NSD1: variants seen among roughly 807,000 people sequenced by gnomAD.
NSD1 encodes the protein nuclear receptor binding SET domain protein 1, also known as histone-lysine N-methyltransferase, H3 lysine-36 specific.
NSD1 carries 26 observed loss-of-function variants against 242.7 expected under a neutral mutation model. The ratio of observed to expected loss-of-function variants is 0.11; its 90% CI spans 0.08 to 0.15. The LOEUF is 0.15. Ranked by LOEUF, NSD1 falls within the 10% of genes least tolerant of loss-of-function variation. The pLI is 1.00. For synonymous variants in NSD1, 1,106 were observed against 1,178.1 expected (o/e 0.94, Z 1.25); for missense variants, 2,495 against 3,272.8 (o/e 0.76, Z 5.80).
At chr5:177,283,025 C>G (rs1248575321) in intron 19 of NSD1, among the ~76,000 whole-genome samples, 3 of 152,114 alleles carry the variant, frequency 2.0e-5, no homozygotes, top group Admixed American at 2.0e-4. Context: ...ATGATCTCGG[C>G]TTGCTGCAAC....
chr5:177,259,845 T>A, intron 13 of NSD1, 144 bp from the exon 14 acceptor site: 1 of 839,802 alleles, frequency 1.2e-6, no homozygotes, highest in Non-Finnish European at 1.9e-6. Flanking sequence ...ATGGATCGAG[T>A]GTTTAAGATC....
intron 3 of NSD1, among the ~76,000 whole-genome samples, chr5:177,193,387 C>T (rs1177828908): frequency 6.6e-6 from 1 of 152,110 alleles, no homozygotes; most frequent in Non-Finnish European, 1.5e-5. Context: ...CGTGATCTGC[C>T]TGCCTCGGCC....
rs138607369 is a variant in NSD1 at position 177,234,952 on chromosome 5, G to A, written c.3797-869G>A. ...CATCATAGATGGAGACACAAAGCCC[G>A]ACATTGTTATTACTGTTTTTTTATC... On this transcript the variant is annotated intron_variant, in intron 5 of 22. Transcript: ENST00000439151. 6.6e-5 allele frequency among the ~76,000 whole-genome samples: 10 copies of A among 152,230 alleles called. No individual in the cohort carries two copies. In the East Asian group the frequency reaches 1.5e-3, roughly 23 times the overall value.
chr5:177,209,496 T>C, intron 4 of NSD1, 140 bp from the exon 5 acceptor site: 1 of 655,126 alleles, frequency 1.5e-6, no homozygotes, highest in Non-Finnish European at 2.5e-6. Flanking sequence ...GCCACTGCAC[T>C]CCAGCCTGGG....
intron 2 of NSD1, among the ~76,000 whole-genome samples, chr5:177,158,975 T>C (rs1056985610): frequency 2.1e-5 from 3 of 141,096 alleles, no homozygotes; most frequent in Non-Finnish European, 4.5e-5. Flanking sequence ...CACACATATA[T>C]ACACACATAT....
At chr5:177,161,211 C>T (rs1038937662) in intron 2 of NSD1, among the ~76,000 whole-genome samples, 5 of 151,902 alleles carry the variant, frequency 3.3e-5, no homozygotes, top group African/African-American at 1.2e-4. Flanking sequence ...TAGGGAGATC[C>T]GGCCTCTACA....
rs138041618 is a variant in NSD1 at position 177,291,971 on chromosome 5, G to A, written c.6276G>A (p.Thr2092=). The A allele has an allele frequency of 1.3e-4, 204 of 1,613,580 alleles. No individual in the cohort carries two copies. Among genetic ancestry groups the A allele is most frequent in the Middle Eastern group, 1.6e-4 (1 of 6,084 alleles). ...ACCTGTAGAATCAACCCATTGCCAC[G>A]GAAGAAAAGTCAAAGAAATTCAAGA... ...GVRPKNQPIA[T]EEKSKKFKKK... Residue 2092 remains threonine, a synonymous_variant, in exon 22 of 23, where the codon ACG becomes ACA. Transcript: ENST00000439151.
chr5:177,250,783 A>T (rs1179467332), intron 11 of NSD1, among the ~76,000 whole-genome samples: 1 of 152,098 alleles, frequency 6.6e-6, no homozygotes, highest in Non-Finnish European at 1.5e-5. Context: ...CCTGTTTTTT[A>T]TTTAAGCTTT....
intron 22 of NSD1, among the ~76,000 whole-genome samples, chr5:177,292,770 T>G (rs770674841): frequency 1.3e-4 from 20 of 152,204 alleles, no homozygotes; most frequent in Non-Finnish European, 2.4e-4. Context: ...AGGAAATTTG[T>G]AGTTGAAGAA....
chr5:177,221,024 C>T (rs1038262757), intron 5 of NSD1: 73 of 455,374 alleles, frequency 1.6e-4, no homozygotes, highest in Non-Finnish European at 2.4e-4. Flanking sequence ...CCACCACCCC[C>T]GGTTAATTTT....
chr5:177,222,735 A>T (rs2149866952), intron 5 of NSD1, among the ~76,000 whole-genome samples: 1 of 152,256 alleles, frequency 6.6e-6, no homozygotes, highest in South Asian at 2.1e-4. Context: ...TATATATTTT[A>T]CATATAAGTC....
intron 12 of NSD1, 132 bp from the exon 13 acceptor site, chr5:177,256,819 T>A: frequency 1.4e-6 from 1 of 729,816 alleles, no homozygotes; most frequent in South Asian, 1.5e-5. Context: ...AATACTAAGA[T>A]TGTTACAGTG....
chr5:177,252,709 G>T (rs937729675), intron 12 of NSD1, among the ~76,000 whole-genome samples: 2 of 151,066 alleles, frequency 1.3e-5, no homozygotes, highest in African/African-American at 4.9e-5. Context: ...TTGCCACCAT[G>T]CGTGGGCAAT....
chr5:177,275,384 A>G (rs995860788), intron 17 of NSD1, among the ~76,000 whole-genome samples: 1 of 144,960 alleles, frequency 6.9e-6, no homozygotes, highest in East Asian at 2.0e-4. Context: ...AAAGTGTGAC[A>G]GTTTCAGTAT....
At chr5:177,229,645 A>G in intron 5 of NSD1, 1 of 244,056 alleles carries the variant, frequency 4.1e-6, no homozygotes, top group Non-Finnish European at 8.4e-6. Flanking sequence ...CTAACTGAAA[A>G]GTGCTGTAAC....
rs1036330658 is a variant in NSD1 at position 177,297,546 on chromosome 5, A to G, written c.*2087A>G. On this transcript the variant is annotated 3_prime_UTR_variant, in exon 23 of 23. Transcript: ENST00000439151. ...GTCCTGTGCCCTTTTCTCTCCAGTCATCTGTAGTTGTGATCAGAAAAAGGT... is the reference window on the plus strand; with the variant it reads ...GTCCTGTGCCCTTTTCTCTCCAGTCGTCTGTAGTTGTGATCAGAAAAAGGT... 1 of 230,278 alleles carries G rather than the reference A, an allele frequency of 4.3e-6. No individual in the cohort carries two copies. The highest frequency in any genetic ancestry group is 8.6e-6 in the Non-Finnish European group (1 of 116,730). 14.3% of individuals were successfully genotyped at this position (230,278 alleles called of 1,614,324 possible).
At chr5:177,292,982 G>T (rs1759960325) in intron 22 of NSD1, among the ~76,000 whole-genome samples, 1 of 152,180 alleles carries the variant, frequency 6.6e-6, no homozygotes, top group African/African-American at 2.4e-5. Flanking sequence ...TCCCCAAATT[G>T]GCTTTCCTTC....
At chr5:177,258,271 C>T (rs185787488) in intron 13 of NSD1, among the ~76,000 whole-genome samples, 28 of 151,916 alleles carry the variant, frequency 1.8e-4, no homozygotes, top group South Asian at 2.1e-4. Context: ...TGAGCCACTG[C>T]GCCCGGCCGG....
chr5:177,132,130 G>T (rs1371035511), upstream of NSD1, among the ~76,000 whole-genome samples: 1 of 152,184 alleles, frequency 6.6e-6, no homozygotes, highest in African/African-American at 2.4e-5. The surrounding 1 kb of genome is among the most constrained non-coding windows in gnomAD (Gnocchi z 7.5). Flanking sequence ...AGGCCGTGAG[G>T]CCCCAGGCCG....
Sources: allele counts gnomAD v4.1 joint callset (sites outside exome capture counted in the v4.1 genomes callset), GRCh38; gene constraint gnomAD v4.1.1; non-coding constraint Gnocchi (gnomAD v3.1); transcripts MANE v1.5; gene names NCBI Gene and HGNC (gene_info 2026-07-23, HGNC 2026-07-21).